ARHGEF12: variants seen among roughly 807,000 people sequenced by gnomAD.
The protein encoded by ARHGEF12 is KMT2A/ARHGEF12 fusion protein.
A neutral mutation model predicts 211.2 loss-of-function variants in ARHGEF12; 66 were observed. The ratio of observed to expected loss-of-function variants is 0.31; its 90% CI spans 0.26 to 0.38. The LOEUF (loss-of-function observed/expected upper bound fraction) is 0.38. Among genes scored for constraint, ARHGEF12 ranks in the 10% least tolerant of loss-of-function variants. The pLI is 1.00. For synonymous variants in ARHGEF12, 592 were observed against 638.4 expected (o/e 0.93, Z 1.09); for missense variants, 1,429 against 1,869.5 (o/e 0.76, Z 4.34).
At chr11:120,414,723 TAA>T (rs1303168147) in intron 4 of ARHGEF12, among the ~76,000 whole-genome samples, 1 of 152,186 alleles carries the variant, frequency 6.6e-6, no homozygotes, top group Non-Finnish European at 1.5e-5. Flanking sequence ...TTACTAGGAC[TAA>T]GTCTTTTGTT....
At chr11:120,381,355 A>T (rs774091189) in intron 1 of ARHGEF12, among the ~76,000 whole-genome samples, 5 of 152,202 alleles carry the variant, frequency 3.3e-5, no homozygotes, top group Non-Finnish European at 7.3e-5. Flanking sequence ...TGACCATAAG[A>T]AACCTGGCTC....
chr11:120,425,454 G>C (rs1198744955), intron 7 of ARHGEF12, among the ~76,000 whole-genome samples: 1 of 150,576 alleles, frequency 6.6e-6, no homozygotes, highest in East Asian at 2.0e-4. Context: ...CTCCCACCTT[G>C]TTTTTTGTTT....
chr11:120,483,996 C>A (rs1312321038), intron 39 of ARHGEF12, among the ~76,000 whole-genome samples: 1 of 152,104 alleles, frequency 6.6e-6, no homozygotes, highest in East Asian at 1.9e-4. Flanking sequence ...CTCAGGTGAT[C>A]CACCTGCCTC....
chr11:120,377,675 C>T (rs914316307), intron 1 of ARHGEF12, among the ~76,000 whole-genome samples: 13 of 151,908 alleles, frequency 8.6e-5, no homozygotes, highest in African/African-American at 2.9e-4. Context: ...TCAGATGCAT[C>T]CAAATTGTTT....
intron 1 of ARHGEF12, among the ~76,000 whole-genome samples, chr11:120,362,029 T>C (rs1477428248): frequency 6.6e-6 from 1 of 152,202 alleles, no homozygotes; most frequent in Non-Finnish European, 1.5e-5. Context: ...CTGTAATGAC[T>C]AACAAAAGGC....
chr11:120,464,557 G>A (rs1478158148), intron 27 of ARHGEF12: 3 of 151,956 alleles, frequency 2.0e-5, no homozygotes, highest in Non-Finnish European at 4.4e-5. Flanking sequence ...ACTCCAGCCT[G>A]GGCCACAGAA....
intron 1 of ARHGEF12, among the ~76,000 whole-genome samples, chr11:120,395,527 C>A (rs1300758424): frequency 6.6e-6 from 1 of 152,196 alleles, no homozygotes; most frequent in Non-Finnish European, 1.5e-5. Flanking sequence ...TCTTCTCACA[C>A]TGCTAATGAA....
At position 120,457,734 on chromosome 11, in the gene ARHGEF12, G is replaced by A; in HGVS notation, c.2203G>A (p.Gly735Arg). ...CCATTGTTTTAGGGTGACTGAACAT[G>A]GGACACCAAAGCCCTTTCGAAAGTA... ...ECEVERVTEH[G>R]TPKPFRKFDS... is the part of the protein sequence containing the mutation. The change falls in exon 24 of 41, where the codon GGG (glycine) becomes AGG (arginine). Residue 735 changes from glycine (G) to arginine (R), a missense_variant. Coordinates refer to ENST00000397843, the MANE Select transcript of ARHGEF12 (RefSeq NM_015313.3). 6.2e-7 allele frequency: 1 copy of A among 1,608,592 alleles called. No homozygotes were observed. Among genetic ancestry groups the A allele is most frequent in the Non-Finnish European group, 8.5e-7 (1 of 1,177,542 alleles).
intron 12 of ARHGEF12, among the ~76,000 whole-genome samples, chr11:120,437,773 C>A (rs1945738465): frequency 6.6e-6 from 1 of 152,192 alleles, no homozygotes; most frequent in African/African-American, 2.4e-5. Flanking sequence ...ATTCTACTTT[C>A]TGTCTCTATG....
At chr11:120,338,565 C>T (rs946027800) in intron 1 of ARHGEF12, among the ~76,000 whole-genome samples, 9 of 152,146 alleles carry the variant, frequency 5.9e-5, no homozygotes, top group African/African-American at 2.2e-4. Flanking sequence ...TTAACTTTTC[C>T]AAGAATACAC....
In ARHGEF12 at chr11:120,337,418, G is replaced by C. The variant is rs377292584; in HGVS notation, c.32+143G>C. ...GTTTCGGAGCTGTGCAGTTAGCCTG[G>C]GGTTGCTGCCGAGTTATCCAGTTGA... On this transcript the variant is annotated intron_variant, in intron 1 of 40. Transcript: ENST00000397843. The C allele has an allele frequency of 3.6e-5, 54 of 1,489,738 alleles. 1 individual carries two copies. In the African/African-American group the frequency reaches 5.8e-4, roughly 16 times the overall value. The allele number at this position is 1,489,738 out of a possible 1,614,324, so 92.3% of individuals were successfully genotyped here. A position where few individuals can be genotyped will look rare whatever the true frequency, so the allele number is the denominator to read the frequency against.
intron 1 of ARHGEF12, among the ~76,000 whole-genome samples, chr11:120,377,382 G>C (rs537750757): frequency 3.0e-4 from 46 of 151,838 alleles, no homozygotes; most frequent in Admixed American, 3.0e-3. Flanking sequence ...TGTTTCCCAG[G>C]CTGGCTGGAG....
chr11:120,428,339 C>A, intron 8 of ARHGEF12, 92 bp downstream of exon 8: 2 of 1,086,862 alleles, frequency 1.8e-6, no homozygotes, highest in Non-Finnish European at 1.2e-6. Flanking sequence ...GGCTGATGAA[C>A]TAATTAAATT....
chr11:120,429,927 A>AT, intron 10 of ARHGEF12, 96 bp downstream of exon 10: 1 of 1,399,106 alleles, frequency 7.1e-7, no homozygotes, highest in Admixed American at 2.5e-5. Flanking sequence ...TTTTAAAGTT[A>AT]TTTTTCTAGC....
At chr11:120,394,605 A>G (rs902433734) in intron 1 of ARHGEF12, among the ~76,000 whole-genome samples, 2 of 152,016 alleles carry the variant, frequency 1.3e-5, no homozygotes, top group African/African-American at 2.4e-5. Context: ...AAACAGGAAA[A>G]CAGTAGCGAA....
intron 30 of ARHGEF12, 50 bp from the exon 31 acceptor site, chr11:120,473,000 T>A: frequency 3.2e-6 from 5 of 1,539,754 alleles, no homozygotes; most frequent in Non-Finnish European, 4.5e-6. Flanking sequence ...AATAGAGAGG[T>A]CATTAATGAC....
At position 120,486,409 on chromosome 11, in the gene ARHGEF12, A is replaced by G. The variant is rs1366868114; in HGVS notation, c.*1332A>G. ...CTAAAAATTGCAGACCAGCACATAC[A>G]CTGGACACTGCAGGCAAGGTGTTGG... On this transcript the variant is annotated 3_prime_UTR_variant, in exon 41 of 41. Transcript: ENST00000397843. The G allele has an allele frequency of 4.3e-6, 1 of 232,290 alleles. No individual in the cohort carries two copies. The highest frequency in any genetic ancestry group is 2.2e-5 in the African/African-American group (1 of 45,280). The allele number at this position is 232,290 out of a possible 1,614,324, so 14.4% of individuals were successfully genotyped here. A position where few individuals can be genotyped will look rare whatever the true frequency, so the allele number is the denominator to read the frequency against.
chr11:120,398,614 C>T (rs988621958), intron 1 of ARHGEF12, among the ~76,000 whole-genome samples: 2 of 151,994 alleles, frequency 1.3e-5, no homozygotes, highest in Non-Finnish European at 2.9e-5. Flanking sequence ...ATTGCTAATT[C>T]TGATTGAGGA....
intron 22 of ARHGEF12, among the ~76,000 whole-genome samples, chr11:120,454,053 C>T (rs151145373): frequency 6.6e-6 from 1 of 152,086 alleles, no homozygotes; most frequent in East Asian, 1.9e-4. Context: ...TTAAGTCCCT[C>T]CGCAGTATTG....
Sources: gnomAD v4.1 joint callset for allele counts (sites outside exome capture counted in the v4.1 genomes callset) on GRCh38, gnomAD v4.1.1 for gene constraint, MANE v1.5 for transcripts, NCBI Gene and HGNC (gene_info 2026-07-23, HGNC 2026-07-21) for gene names.